Variants in CCNH observed in about 807,000 individuals in gnomAD.
CCNH encodes cyclin-H.
CCNH carries 31 observed loss-of-function variants against 41.9 expected under a neutral mutation model. The ratio of observed to expected loss-of-function variants is 0.74; its 90% CI spans 0.56 to 1.00. CCNH has a LOEUF of 1.00. CCNH is among the 50% of genes least tolerant of loss of function. The probability of loss-of-function intolerance (pLI) is 0.00; values close to 1 mark genes in which losing one functional copy is unlikely to be tolerated. For synonymous variants in CCNH, 138 were observed against 136.1 expected (o/e 1.01, Z -0.10); for missense variants, 362 against 388.4 (o/e 0.93, Z 0.57).
intron 5 of CCNH, among the ~76,000 whole-genome samples, chr5:87,404,355 T>C (rs1003870143): frequency 5.3e-5 from 8 of 152,220 alleles, no homozygotes; most frequent in African/African-American, 1.9e-4. Flanking sequence ...AGTTTTATCA[T>C]CTTTCTTCCT....
chr5:87,347,677 A>G (rs1210638656), intron 9 of CCNH, among the ~76,000 whole-genome samples: 1 of 151,992 alleles, frequency 6.6e-6, no homozygotes, highest in Non-Finnish European at 1.5e-5. Context: ...GAAGTACTCA[A>G]TTTTATTGTG....
At chr5:87,391,229 T>G (rs1460246557), downstream of CCNH, 4 of 432,484 alleles carry the variant, frequency 9.2e-6, no homozygotes, top group Non-Finnish European at 1.7e-5. Context: ...GCCAAAGTTT[T>G]GCTGTCTCTT....
At chr5:87,376,220 C>G, downstream of CCNH, 1 of 729,748 alleles carries the variant, frequency 1.4e-6, no homozygotes, top group South Asian at 1.8e-5. Context: ...TTTAGTGCAC[C>G]GTAGACACTC....
intron 9 of CCNH, among the ~76,000 whole-genome samples, chr5:87,369,304 A>G (rs1022378062): frequency 3.3e-5 from 5 of 152,192 alleles, no homozygotes; most frequent in African/African-American, 4.8e-5. Context: ...GTTGTACACA[A>G]CTGTTCACTT....
chr5:87,386,230 T>C (rs1762052538), intron 9 of CCNH, among the ~76,000 whole-genome samples: 1 of 152,014 alleles, frequency 6.6e-6, no homozygotes, highest in Non-Finnish European at 1.5e-5. Context: ...TCTCATTGAG[T>C]TTCTTACTGA....
intron 9 of CCNH, among the ~76,000 whole-genome samples, chr5:87,345,979 T>C (rs1374252188): frequency 1.3e-5 from 2 of 152,136 alleles, no homozygotes; most frequent in African/African-American, 2.4e-5. Flanking sequence ...ATCAGATATA[T>C]CCTTTTATTT....
At chr5:87,314,974 T>C (rs1756211500), downstream of CCNH, among the ~76,000 whole-genome samples, 6 of 152,210 alleles carry the variant, frequency 3.9e-5, no homozygotes, top group Admixed American at 3.3e-4. Context: ...AAATAAAACA[T>C]TTTTGAATAT....
intron 9 of CCNH, among the ~76,000 whole-genome samples, chr5:87,370,924 A>G (rs1760889987): frequency 6.6e-6 from 1 of 152,148 alleles, no homozygotes; most frequent in South Asian, 2.1e-4. Flanking sequence ...TTTATCAAAT[A>G]TCTCATTTAA....
chr5:87,395,083 T>A lies in CCNH; in HGVS notation c.894A>T (p.Glu298Asp), dbSNP rs771240436. Residue 298 changes from glutamate to aspartate, a missense_variant, in exon 8 of 9, where the codon GAA becomes GAT. Physicochemically the swap from Glu to Asp is conservative, Grantham distance 45. Transcript: ENST00000256897. ...NVITKKRKGY[E>D]DDDYVSKKSK... ...ATTTCTTTGAGACGTAATCATCATC[T>A]TCATAGCCTTTCCTCTTCTTCCTAT... The A allele has an allele frequency of 6.2e-7, 1 of 1,611,518 alleles. No homozygotes were observed. Among genetic ancestry groups the A allele is most frequent in the Non-Finnish European group, 8.5e-7 (1 of 1,178,148 alleles).
chr5:87,399,985 A>T (rs2112558072), intron 6 of CCNH, among the ~76,000 whole-genome samples: 1 of 152,330 alleles, frequency 6.6e-6, no homozygotes, highest in African/African-American at 2.4e-5. Context: ...ATTTGTTAAT[A>T]ATCCTTTGCT....
At chr5:87,314,373 ATAT>A (rs1173394559), downstream of CCNH, among the ~76,000 whole-genome samples, 1 of 152,186 alleles carries the variant, frequency 6.6e-6, no homozygotes, top group African/African-American at 2.4e-5. Flanking sequence ...TCTGGAGATA[ATAT>A]TATAGATGTA....
upstream of CCNH, among the ~76,000 whole-genome samples, chr5:87,379,468 G>A (rs1186390592): frequency 2.0e-5 from 3 of 152,224 alleles, no homozygotes; most frequent in Non-Finnish European, 4.4e-5. Context: ...CTTTTAATCA[G>A]CTTTTTTTCC....
chr5:87,337,227 CTTG>C (rs778919025), intron 9 of CCNH, among the ~76,000 whole-genome samples: 2 of 152,032 alleles, frequency 1.3e-5, no homozygotes, highest in Admixed American at 6.6e-5. Context: ...ACATCAGCAA[CTTG>C]TTGTTTCCAT....
downstream of CCNH, chr5:87,393,860 G>A (rs1010450475): frequency 5.3e-5 from 8 of 152,160 alleles, no homozygotes; most frequent in East Asian, 1.9e-4. Context: ...CTATACTAGC[G>A]TAAGAGTTTG....
chr5:87,394,855 A>T (rs1762795820), intron 8 of CCNH, 189 bp downstream of exon 8: 3 of 1,381,062 alleles, frequency 2.2e-6, no homozygotes, highest in Non-Finnish European at 2.8e-6. Context: ...TCTTCATTAA[A>T]TAAAGACAGA....
intron 9 of CCNH, among the ~76,000 whole-genome samples, chr5:87,345,271 A>T (rs1364112316): frequency 6.6e-6 from 1 of 152,200 alleles, no homozygotes; most frequent in Non-Finnish European, 1.5e-5. Context: ...CTTTAGAAAG[A>T]GATATTGCCA....
chr5:87,349,375 ATTT>A, intron 9 of CCNH: 1 of 1,610,832 alleles, frequency 6.2e-7, no homozygotes, highest in Non-Finnish European at 8.5e-7. Flanking sequence ...GTAAATCATA[ATTT>A]TTTAGCTATC....
At chr5:87,405,274 TTC>T (rs1763710263) in intron 4 of CCNH, among the ~76,000 whole-genome samples, 1 of 152,188 alleles carries the variant, frequency 6.6e-6, no homozygotes, top group Admixed American at 6.5e-5. Context: ...AGGTAAATGC[TTC>T]TCTCAGGCAA....
upstream of CCNH, among the ~76,000 whole-genome samples, chr5:87,379,095 A>G (rs1761529500): frequency 6.6e-6 from 1 of 152,222 alleles, no homozygotes; most frequent in South Asian, 2.1e-4. Context: ...ATTAGATCTG[A>G]TATAAAAATC....
Sources: gnomAD v4.1 joint callset for allele counts (sites outside exome capture counted in the v4.1 genomes callset) on GRCh38, gnomAD v4.1.1 for gene constraint, MANE v1.5 for transcripts, NCBI Gene and HGNC (gene_info 2026-07-23, HGNC 2026-07-21) for gene names.